Variants in ZNF385B observed in about 807,000 individuals in gnomAD.
ZNF385B encodes the protein zinc finger protein 385B, also known as zinc finger protein 533.
In ZNF385B, 23 loss-of-function variants were observed where a neutral mutation model predicts 39.2. That is an observed-to-expected ratio of 0.59 (90% CI 0.42 to 0.83). The LOEUF is 0.83. Ranked by LOEUF, ZNF385B falls within the 40% of genes least tolerant of loss-of-function variation. The pLI is 0.00. For missense variants in ZNF385B, 552 were observed against 598.9 expected (o/e 0.92, Z 0.82); for synonymous variants, 205 against 222.6 (o/e 0.92, Z 0.70).
intron 3 of ZNF385B, among the ~76,000 whole-genome samples, chr2:179,728,002 C>T (rs1323067112): frequency 6.6e-6 from 1 of 151,998 alleles, no homozygotes; most frequent in Admixed American, 6.6e-5. Flanking sequence ...TTCTGTAGAA[C>T]ATCATAATCA....
rs1700054018 is a variant in ZNF385B, at chr2:179,712,265, C to G, written c.298+57238G>C. 2.0e-5 allele frequency among the ~76,000 whole-genome samples: 3 copies of G among 152,148 alleles called. No individual in the cohort carries two copies. In the South Asian group the frequency reaches 6.2e-4, roughly 32 times the overall value. ...CCAATCTTCAAAATTTCATAGTAAA[C>G]TTTCTACATTTTCTTAATCCATGTT... On this transcript the variant is annotated intron_variant, in intron 3 of 9. Transcript: ENST00000410066.
intron 5 of ZNF385B, among the ~76,000 whole-genome samples, chr2:179,509,791 T>C (rs569716048): frequency 5.3e-5 from 8 of 152,228 alleles, no homozygotes; most frequent in Non-Finnish European, 1.2e-4. Flanking sequence ...ATTCAACAAT[T>C]TGTACTGCTG....
chr2:179,612,298 G>A (rs947344660), intron 3 of ZNF385B, among the ~76,000 whole-genome samples: 1 of 152,094 alleles, frequency 6.6e-6, no homozygotes, highest in Non-Finnish European at 1.5e-5. Context: ...GCCAGTGTCT[G>A]GTATTTAAGA....
At chr2:179,615,329 T>C (rs1419608492) in intron 3 of ZNF385B, among the ~76,000 whole-genome samples, 1 of 152,224 alleles carries the variant, frequency 6.6e-6, no homozygotes, top group Non-Finnish European at 1.5e-5. Flanking sequence ...TTCTCTATTA[T>C]ATAGTGTTTC....
chr2:179,768,918 G>A (rs1051250380), intron 3 of ZNF385B, among the ~76,000 whole-genome samples: 1 of 152,218 alleles, frequency 6.6e-6, no homozygotes, highest in African/African-American at 2.4e-5. Context: ...AAGTGAAAGC[G>A]ATGGATGATG....
chr2:179,610,261 T>G (rs1225942529), intron 3 of ZNF385B, among the ~76,000 whole-genome samples: 2 of 152,200 alleles, frequency 1.3e-5, no homozygotes, highest in African/African-American at 4.8e-5. Context: ...CTAGTTTCAT[T>G]CTTCTGCATA....
chr2:179,569,190 A>T (rs909927869), intron 3 of ZNF385B, among the ~76,000 whole-genome samples: 3 of 152,180 alleles, frequency 2.0e-5, no homozygotes, highest in African/African-American at 7.2e-5. Flanking sequence ...AAACACACGT[A>T]GTTTGGCTCT....
intron 3 of ZNF385B, among the ~76,000 whole-genome samples, chr2:179,742,795 T>G (rs541810530): frequency 6.6e-6 from 1 of 152,218 alleles, no homozygotes; most frequent in Non-Finnish European, 1.5e-5. Context: ...TGCAATCATG[T>G]TTCTCAACTA....
chr2:179,689,723 A>G (rs1178041749), intron 3 of ZNF385B, among the ~76,000 whole-genome samples: 4 of 151,986 alleles, frequency 2.6e-5, no homozygotes, highest in African/African-American at 7.2e-5. Flanking sequence ...ATTGAGTTCC[A>G]TTAATGTTAG....
chr2:179,566,577 C>T (rs550465222), intron 3 of ZNF385B, among the ~76,000 whole-genome samples: 10 of 152,156 alleles, frequency 6.6e-5, no homozygotes, highest in African/African-American at 1.2e-4. Context: ...CTAGGATGAA[C>T]GTGACTTGGT....
chr2:179,601,407 G>C (rs993183487), intron 3 of ZNF385B, among the ~76,000 whole-genome samples: 29 of 152,096 alleles, frequency 1.9e-4, no homozygotes, highest in Non-Finnish European at 4.1e-4. Context: ...TGCCTTATGA[G>C]ACTGGGTAAC....
chr2:179,745,523 A>G (rs994588400), intron 3 of ZNF385B, among the ~76,000 whole-genome samples: 2 of 152,190 alleles, frequency 1.3e-5, no homozygotes, highest in Non-Finnish European at 2.9e-5. Flanking sequence ...TATCACACCC[A>G]TGTAAGGAGT....
chr2:179,793,885 A>C (rs975379881), intron 1 of ZNF385B, among the ~76,000 whole-genome samples: 1 of 152,292 alleles, frequency 6.6e-6, no homozygotes, highest in African/African-American at 2.4e-5. Context: ...TTGCACATGC[A>C]ATGGCTTTAC....
intron 3 of ZNF385B, among the ~76,000 whole-genome samples, chr2:179,672,536 T>C (rs1428326103): frequency 6.6e-6 from 1 of 152,156 alleles, no homozygotes; most frequent in Non-Finnish European, 1.5e-5. Context: ...ATGGTCTGAA[T>C]GTTTGTGTCC....
intron 3 of ZNF385B, among the ~76,000 whole-genome samples, chr2:179,729,966 A>G (rs1172375550): frequency 6.6e-6 from 1 of 152,196 alleles, no homozygotes; most frequent in African/African-American, 2.4e-5. Context: ...AGTCAATTAA[A>G]CCTCTTTTCT....
intron 3 of ZNF385B, among the ~76,000 whole-genome samples, chr2:179,621,016 T>C (rs1272618749): frequency 1.3e-5 from 2 of 152,146 alleles, no homozygotes; most frequent in East Asian, 1.9e-4. Context: ...GTTTGCTGAA[T>C]TGAAAGAGTC....
At chr2:179,706,960 T>C (rs1020972357) in intron 3 of ZNF385B, among the ~76,000 whole-genome samples, 2 of 152,238 alleles carry the variant, frequency 1.3e-5, no homozygotes, top group Non-Finnish European at 2.9e-5. Context: ...GTTAGGGCTA[T>C]TATGACTAAA....
intron 1 of ZNF385B, among the ~76,000 whole-genome samples, chr2:179,807,514 C>CTTGTG: frequency 6.6e-6 from 1 of 152,040 alleles, no homozygotes; most frequent in South Asian, 2.1e-4. Flanking sequence ...ACCCAGGAGG[C>CTTGTG]AGAGGTTGCA....
rs536774896 is a variant in ZNF385B at position 179,549,619 on chromosome 2, T to C, written c.299-4650A>G. On this transcript the variant is annotated intron_variant, in intron 3 of 9. Coordinates refer to ENST00000410066, the MANE Select transcript of ZNF385B (RefSeq NM_152520.6). ...TTCCCAGACTCATTAAAATTTCTAT[T>C]TCAATGATCCTTTTTGGTAATGAAT... 8.0e-5 allele frequency among the ~76,000 whole-genome samples: 12 copies of C among 149,920 alleles called. 1 individual carries two copies. Among genetic ancestry groups the C allele is most frequent in the African/African-American group, 3.0e-4 (12 of 39,974 alleles).
Sources: allele counts gnomAD v4.1 joint callset (sites outside exome capture counted in the v4.1 genomes callset), GRCh38; gene constraint gnomAD v4.1.1; transcripts MANE v1.5; gene names NCBI Gene and HGNC (gene_info 2026-07-23, HGNC 2026-07-21).